Variants in SLC24A2 observed in about 807,000 individuals in gnomAD.
SLC24A2 encodes sodium/potassium/calcium exchanger 2.
A neutral mutation model predicts 62.0 loss-of-function variants in SLC24A2; 36 were observed. The ratio of observed to expected loss-of-function variants is 0.58; its 90% CI spans 0.44 to 0.77. The LOEUF is 0.77. Ranked by LOEUF, SLC24A2 falls within the 30% of genes least tolerant of loss-of-function variation. The pLI is 0.00. For synonymous variants in SLC24A2, 358 were observed against 294.0 expected, an observed-to-expected ratio of 1.22 and a Z score of -2.23; for missense variants, 846 against 817.9, an observed-to-expected ratio of 1.03 and a Z score of -0.42.
At chr9:20,097,519 G>C in the SLC24A2 span, among the ~76,000 whole-genome samples, 1 of 151,922 alleles carries the variant, frequency 6.6e-6, no homozygotes, top group African/African-American at 2.4e-5. Context: ...GAGATCTCTG[G>C]TGATATTAAA....
At chr9:19,746,631 CT>C (rs1821840643) in intron 2 of SLC24A2, among the ~76,000 whole-genome samples, 1 of 152,074 alleles carries the variant, frequency 6.6e-6, no homozygotes, top group Non-Finnish European at 1.5e-5. Flanking sequence ...TTATTTTTCC[CT>C]GATTCTGGCA....
intron 2 of SLC24A2, among the ~76,000 whole-genome samples, chr9:19,682,571 G>A (rs949020685): frequency 1.3e-5 from 2 of 152,064 alleles, no homozygotes; most frequent in African/African-American, 4.8e-5. Flanking sequence ...CTGAGGAAAG[G>A]CCTGTTTCCA....
At chr9:19,666,290 C>T (rs1819251223) in intron 2 of SLC24A2, among the ~76,000 whole-genome samples, 1 of 152,086 alleles carries the variant, frequency 6.6e-6, no homozygotes, top group Non-Finnish European at 1.5e-5. Context: ...CTTGTAGTCC[C>T]AGCTACTCAA....
chr9:20,184,805 C>T, the SLC24A2 span, among the ~76,000 whole-genome samples: 2 of 152,056 alleles, frequency 1.3e-5, no homozygotes, highest in Admixed American at 1.3e-4. Context: ...ACTACACTCT[C>T]ATGTTCACTG....
chr9:20,162,978 T>C, the SLC24A2 span, among the ~76,000 whole-genome samples: 1 of 152,034 alleles, frequency 6.6e-6, no homozygotes, highest in African/African-American at 2.4e-5. Context: ...ATGGGACATA[T>C]CTCAAAATAA....
At chr9:20,069,578 A>G in the SLC24A2 span, among the ~76,000 whole-genome samples, 1 of 152,192 alleles carries the variant, frequency 6.6e-6, no homozygotes, top group Non-Finnish European at 1.5e-5. Flanking sequence ...AAAGATCACA[A>G]TTCTCTTTCC....
At chr9:20,046,866 G>A in the SLC24A2 span, among the ~76,000 whole-genome samples, 1 of 152,128 alleles carries the variant, frequency 6.6e-6, no homozygotes, top group Non-Finnish European at 1.5e-5. Flanking sequence ...TCTTCCTAGT[G>A]ATCCTCCAGG....
the SLC24A2 span, among the ~76,000 whole-genome samples, chr9:20,177,932 C>G: frequency 1.3e-3 from 204 of 152,154 alleles, 2 homozygotes; most frequent in Non-Finnish European, 1.4e-3. Flanking sequence ...AGTGGAGAGC[C>G]AAGATTTGAA....
intron 2 of SLC24A2, among the ~76,000 whole-genome samples, chr9:19,684,705 C>T (rs931761018): frequency 1.7e-5 from 2 of 117,636 alleles, no homozygotes; most frequent in Non-Finnish European, 3.8e-5. Flanking sequence ...ACCTGGAAAA[C>T]GCAACCCAGA....
chr9:19,596,648 C>T (rs1836709244), intron 5 of SLC24A2, among the ~76,000 whole-genome samples: 1 of 152,054 alleles, frequency 6.6e-6, no homozygotes. Flanking sequence ...GAGTGGGAAC[C>T]CTCATGTAGA....
the SLC24A2 span, among the ~76,000 whole-genome samples, chr9:20,105,442 T>G: frequency 6.6e-6 from 1 of 151,834 alleles, no homozygotes; most frequent in South Asian, 2.1e-4. Context: ...GACCACATAC[T>G]TGGAAGTAAA....
chr9:20,105,906 G>T, the SLC24A2 span, among the ~76,000 whole-genome samples: 1 of 152,130 alleles, frequency 6.6e-6, no homozygotes, highest in Non-Finnish European at 1.5e-5. Context: ...AATGAATCCA[G>T]GAGCTGGTTT....
At chr9:19,789,261 A>G (rs934502627), upstream of SLC24A2, among the ~76,000 whole-genome samples, 41 of 152,256 alleles carry the variant, frequency 2.7e-4, no homozygotes, top group African/African-American at 9.2e-4. Flanking sequence ...GCAAGGGCAG[A>G]GAGGAGAAAT....
chr9:20,099,112 T>G, the SLC24A2 span, among the ~76,000 whole-genome samples: 1 of 152,222 alleles, frequency 6.6e-6, no homozygotes, highest in African/African-American at 2.4e-5. Context: ...TGGAGGAAAC[T>G]AGACATTACC....
At chr9:20,239,213 A>G in the SLC24A2 span, among the ~76,000 whole-genome samples, 1 of 152,232 alleles carries the variant, frequency 6.6e-6, no homozygotes, top group Non-Finnish European at 1.5e-5. Flanking sequence ...AACACAAAAC[A>G]TAGAGGATTC....
the SLC24A2 span, among the ~76,000 whole-genome samples, chr9:20,089,624 C>T: frequency 2.6e-5 from 4 of 151,990 alleles, no homozygotes; most frequent in African/African-American, 9.7e-5. Context: ...AGTGAACATG[C>T]CCACTAGTAG....
At chr9:19,909,739 CACATGATACGAAG>C in the SLC24A2 span, among the ~76,000 whole-genome samples, 5 of 152,048 alleles carry the variant, frequency 3.3e-5, no homozygotes, top group Admixed American at 3.3e-4. Flanking sequence ...TGATTTTAAG[CACATGATACGAAG>C]ACAGAAAACC....
At chr9:20,287,317 G>A in the SLC24A2 span, among the ~76,000 whole-genome samples, 23 of 152,168 alleles carry the variant, frequency 1.5e-4, no homozygotes, top group Non-Finnish European at 3.2e-4. Flanking sequence ...TCATCTCATT[G>A]GGGAGAGCAA....
intron 2 of SLC24A2, among the ~76,000 whole-genome samples, chr9:19,721,759 T>C (rs1449585664): frequency 6.6e-6 from 1 of 152,160 alleles, no homozygotes; most frequent in Admixed American, 6.5e-5. Flanking sequence ...CATAACAGCC[T>C]TCATTTTGAG....
Sources: allele counts gnomAD v4.1 joint callset (sites outside exome capture counted in the v4.1 genomes callset), GRCh38; gene constraint gnomAD v4.1.1; transcripts MANE v1.5; gene names NCBI Gene and HGNC (gene_info 2026-07-23, HGNC 2026-07-21).